The following GRIP1 variants were observed in gnomAD, a reference collection of about 807,000 sequenced individuals.
GRIP1 encodes glutamate receptor-interacting protein 1.
Under a neutral mutation model 129.9 loss-of-function variants are expected in GRIP1, and 45 were observed. The ratio of observed to expected loss-of-function variants is 0.35; its 90% CI spans 0.27 to 0.44. GRIP1 has a LOEUF of 0.44. Among genes scored for constraint, GRIP1 ranks in the 20% least tolerant of loss-of-function variants. GRIP1 has a pLI of 1.00. For synonymous variants in GRIP1, 530 were observed against 520.8 expected (o/e 1.02, Z -0.24); for missense variants, 1,196 against 1,396.8 (o/e 0.86, Z 2.29).
At chr12:66,605,011 C>T (rs1331438465) in intron 1 of GRIP1, among the ~76,000 whole-genome samples, 1 of 124,942 alleles carries the variant, frequency 8.0e-6, no homozygotes, top group African/African-American at 3.1e-5. Context: ...AAGGTTTCTC[C>T]ATTTTTTTTT....
intron 1 of GRIP1, among the ~76,000 whole-genome samples, chr12:67,038,876 G>A (rs7955793): frequency 0.21 from 32,461 of 152,010 alleles, 4,961 homozygotes; most frequent in African/African-American, 0.42. Context: ...ATAACTTAGC[G>A]CAGCATGACT....
At chr12:66,579,132 T>G (rs1309953907) in intron 2 of GRIP1, among the ~76,000 whole-genome samples, 4 of 152,208 alleles carry the variant, frequency 2.6e-5, no homozygotes, top group African/African-American at 9.7e-5. Flanking sequence ...ACACCGCTGC[T>G]GATACCCAGG....
At chr12:66,495,979 T>C (rs904931885) in intron 7 of GRIP1, among the ~76,000 whole-genome samples, 1 of 152,184 alleles carries the variant, frequency 6.6e-6, no homozygotes, top group Non-Finnish European at 1.5e-5. Context: ...CGGGATTTCA[T>C]ATGAGTGCAG....
In GRIP1 at chr12:66,768,331, G is replaced by A. The variant is rs374263439; in HGVS notation, c.-420+35722C>T. On this transcript the variant is annotated intron_variant, in intron 1 of 4. Coordinates refer to the GRIP1 transcript ENST00000538373. Reference sequence around the variant, plus strand: ...AACCACTTTCCCAAGTTATATAATTGTGGATCACTGAAGTATCTGCCTACA... The same window carrying A: ...AACCACTTTCCCAAGTTATATAATTATGGATCACTGAAGTATCTGCCTACA... Among the ~76,000 whole-genome samples, 48 of 152,298 alleles carry A rather than the reference G, an allele frequency of 3.2e-4. No individual in the cohort carries two copies. In the South Asian group the frequency reaches 8.5e-3, roughly 27 times the overall value.
intron 9 of GRIP1, among the ~76,000 whole-genome samples, chr12:66,458,038 C>A (rs559043969): frequency 1.3e-5 from 2 of 152,172 alleles, no homozygotes; most frequent in Non-Finnish European, 2.9e-5. Flanking sequence ...AATAAAGTAT[C>A]TTTTAAAGGA....
intron 1 of GRIP1, among the ~76,000 whole-genome samples, chr12:66,661,516 T>C (rs1427033208): frequency 6.6e-6 from 1 of 150,422 alleles, no homozygotes; most frequent in Non-Finnish European, 1.5e-5. Context: ...TACTTACTAC[T>C]ATTTTCAATT....
intron 11 of GRIP1, among the ~76,000 whole-genome samples, chr12:66,449,799 C>T (rs1026120322): frequency 6.6e-6 from 1 of 152,114 alleles, no homozygotes; most frequent in East Asian, 1.9e-4. Flanking sequence ...TACAGCATCA[C>T]CTATTTGGCA....
intron 1 of GRIP1, among the ~76,000 whole-genome samples, chr12:66,832,783 T>C (rs983340596): frequency 6.6e-6 from 1 of 152,344 alleles, no homozygotes; most frequent in Middle Eastern, 3.4e-3. Context: ...GACAGGCATA[T>C]TATGACAATC....
chr12:66,638,922 A>G (rs2031665859), intron 1 of GRIP1, among the ~76,000 whole-genome samples: 1 of 152,184 alleles, frequency 6.6e-6, no homozygotes, highest in Admixed American at 6.6e-5. Flanking sequence ...CATTTTACAT[A>G]AGCTCCTTGT....
At chr12:66,640,901 G>C (rs73325182) in intron 1 of GRIP1, among the ~76,000 whole-genome samples, 3,327 of 152,202 alleles carry the variant, frequency 0.022, 151 homozygotes, top group African/African-American at 0.076. Flanking sequence ...ATCCCACTGG[G>C]GGAAAATTCC....
intron 1 of GRIP1, among the ~76,000 whole-genome samples, chr12:66,791,813 T>G (rs1347536419): frequency 6.6e-6 from 1 of 152,158 alleles, no homozygotes; most frequent in East Asian, 1.9e-4. Context: ...TATGTAGTTT[T>G]CTATCCCTCA....
chr12:67,040,703 T>C (rs547398837), intron 1 of GRIP1, among the ~76,000 whole-genome samples: 73 of 152,210 alleles, frequency 4.8e-4, no homozygotes, highest in African/African-American at 1.7e-3. Flanking sequence ...ACAGAGATAA[T>C]AAAAAAATTG....
intron 2 of GRIP1, among the ~76,000 whole-genome samples, chr12:66,572,974 A>G (rs1436632318): frequency 6.6e-6 from 1 of 152,062 alleles, no homozygotes. Flanking sequence ...TGTGGGCATG[A>G]CCTATGGCTT....
At position 66,463,053 on chromosome 12, in the gene GRIP1, C is replaced by T. The variant is rs866680907; in HGVS notation, c.913G>A (p.Asp305Asn). The T allele has an allele frequency of 5.6e-6, 9 of 1,613,558 alleles. No individual in the cohort carries two copies. The highest frequency in any genetic ancestry group is 2.7e-5 in the African/African-American group (2 of 74,900). ...LHVGDHILSIDGTSMEYCTLA... is the reference protein window; with the variant it reads ...LHVGDHILSINGTSMEYCTLA... ...GTACAGTACTCCATGCTGGTTCCAT[C>T]GATGGAGAGGATGTGATCTCCCACA... The change falls in exon 9 of 25, where the codon GAT (aspartate) becomes AAT (asparagine). Residue 305 changes from aspartate to asparagine, a missense_variant. This residue lies in a region of GRIP1 where 508 missense variants were observed against 587.0 expected (regional missense o/e 0.87). Transcript: ENST00000359742.
intron 1 of GRIP1, among the ~76,000 whole-genome samples, chr12:67,052,908 C>G (rs548173292): frequency 2.6e-5 from 4 of 152,156 alleles, no homozygotes; most frequent in Non-Finnish European, 5.9e-5. Context: ...TATAGGACCA[C>G]TTAGTGTAGG....
intron 2 of GRIP1, among the ~76,000 whole-genome samples, chr12:66,586,436 T>C (rs914907546): frequency 6.6e-6 from 1 of 152,174 alleles, no homozygotes; most frequent in Admixed American, 6.5e-5. Flanking sequence ...CTCTGAGGCT[T>C]AGTATGCCCC....
At chr12:66,908,187 G>A (rs945660751) in intron 1 of GRIP1, among the ~76,000 whole-genome samples, 8 of 152,078 alleles carry the variant, frequency 5.3e-5, no homozygotes, top group African/African-American at 1.9e-4. Flanking sequence ...AAATACAGAT[G>A]CTAATGACAT....
chr12:67,064,277 T>A (rs1211884477), intron 1 of GRIP1, among the ~76,000 whole-genome samples: 2 of 152,250 alleles, frequency 1.3e-5, no homozygotes, highest in Non-Finnish European at 2.9e-5. Flanking sequence ...TGGCAGTTTA[T>A]TAGAATTTTG....
At chr12:66,432,773 C>A in intron 13 of GRIP1, 145 bp from the exon 14 acceptor site, 1 of 638,152 alleles carries the variant, frequency 1.6e-6, no homozygotes. Flanking sequence ...CTTTAAAATC[C>A]TAGTAAATTA....
Sources: allele counts gnomAD v4.1 joint callset (sites outside exome capture counted in the v4.1 genomes callset), GRCh38; gene constraint gnomAD v4.1.1; regional missense constraint gnomAD v4.1.1; transcripts MANE v1.5; gene names NCBI Gene and HGNC (gene_info 2026-07-23, HGNC 2026-07-21).